KIF27: variants seen among roughly 807,000 people sequenced by gnomAD.
The protein encoded by KIF27 is kinesin-like protein KIF27.
In KIF27, 84 loss-of-function variants were observed where a neutral mutation model predicts 141.8. That is an observed-to-expected ratio of 0.59 (90% CI 0.50 to 0.71). The LOEUF is 0.71. Among genes scored for constraint, KIF27 ranks in the 30% least tolerant of loss-of-function variants. The pLI is 0.00. For synonymous variants in KIF27, 471 were observed against 569.5 expected, an observed-to-expected ratio of 0.83 and a Z score of 2.46; for missense variants, 1,306 against 1,628.4, an observed-to-expected ratio of 0.80 and a Z score of 3.41.
At chr9:83,850,830 CTTTTTTTTTTTT>C (rs202212264) in intron 15 of KIF27, among the ~76,000 whole-genome samples, 2 of 67,504 alleles carry the variant, frequency 3.0e-5, no homozygotes, top group African/African-American at 6.5e-5. Flanking sequence ...ATGACATTTT[CTTTTTTTTTTTT>C]TTTTTTTTTT....
intron 10 of KIF27, 70 bp downstream of exon 10, chr9:83,883,743 A>G (rs947898739): frequency 1.9e-6 from 2 of 1,040,040 alleles, no homozygotes; most frequent in African/African-American, 1.6e-5. Context: ...CTTCTTTCCT[A>G]ACTCAGTACA....
chr9:83,898,305 G>A (rs912991428), intron 5 of KIF27, among the ~76,000 whole-genome samples: 3 of 152,242 alleles, frequency 2.0e-5, no homozygotes, highest in African/African-American at 7.2e-5. Context: ...AAAATATTAT[G>A]ATTAAAAAGT....
chr9:83,862,897 G>C (rs578231897), intron 13 of KIF27, among the ~76,000 whole-genome samples: 1 of 151,990 alleles, frequency 6.6e-6, no homozygotes, highest in Non-Finnish European at 1.5e-5. Flanking sequence ...TCACATCCCT[G>C]GTAAGTTGGA....
intron 11 of KIF27, among the ~76,000 whole-genome samples, chr9:83,877,924 A>G (rs1435289847): frequency 1.3e-5 from 2 of 152,050 alleles, no homozygotes; most frequent in Non-Finnish European, 2.9e-5. Context: ...ATTAGTCATT[A>G]GGGAAATGCA....
In KIF27 at chr9:83,913,489, A is replaced by G. The variant is rs550281783; in HGVS notation, c.298+1805T>C. ...AGTTTGGTCTGTTGCCCAGGCTGGA[A>G]TGCAGTGGCACGATCTTGGCTCACT... On this transcript the variant is annotated intron_variant, in intron 2 of 17. Coordinates refer to ENST00000297814, the MANE Select transcript of KIF27 (RefSeq NM_017576.4). 2.6e-5 allele frequency among the ~76,000 whole-genome samples: 4 copies of G among 152,222 alleles called. No individual in the cohort carries two copies. The East Asian group carries it at 7.7e-4, about 29-fold the overall frequency.
chr9:83,880,441 T>G lies in KIF27; in HGVS notation c.2499A>C (p.Gln833His), dbSNP rs765116309. ...CTAGCTCATTAGCACGTTTCTCATT[T>G]TGGATTGACAGTGATGCCAGTTTCT... Reference protein sequence around the residue: ...DSKKLASLSIQNEKRANELEQ... With the variant: ...DSKKLASLSIHNEKRANELEQ... The change falls in exon 11 of 18, where the codon CAA becomes CAC. Residue 833 changes from glutamine (Q) to histidine (H), a missense_variant. Physicochemically the swap from Gln to His is conservative, Grantham distance 24. Coordinates refer to ENST00000297814, the MANE Select transcript of KIF27 (RefSeq NM_017576.4). 1 of 1,613,392 alleles carries G rather than the reference T, an allele frequency of 6.2e-7. No individual in the cohort carries two copies. Among genetic ancestry groups the G allele is most frequent in the Admixed American group, 1.7e-5 (1 of 60,016 alleles).
chr9:83,858,297 A>G (rs1448219444), intron 14 of KIF27: 1 of 152,166 alleles, frequency 6.6e-6, no homozygotes, highest in African/African-American at 2.4e-5. Flanking sequence ...CCTTGCTCCT[A>G]TTTCTTAACT....
intron 3 of KIF27, among the ~76,000 whole-genome samples, chr9:83,906,568 C>G (rs1468735113): frequency 1.3e-5 from 2 of 151,778 alleles, no homozygotes; most frequent in Non-Finnish European, 2.9e-5. Context: ...TGGTGAAACC[C>G]CGTCTCTACA....
At chr9:83,883,048 T>G (rs1182254432) in intron 10 of KIF27, among the ~76,000 whole-genome samples, 3 of 151,538 alleles carry the variant, frequency 2.0e-5, no homozygotes, top group East Asian at 1.9e-4. Flanking sequence ...CTATTTTGTT[T>G]AAAGCAAATA....
At position 83,914,656 on chromosome 9, in the gene KIF27, A is replaced by C. The variant is rs2780095; in HGVS notation, c.298+638T>G. Among the ~76,000 whole-genome samples, 4 of 152,154 alleles carry C rather than the reference A, an allele frequency of 2.6e-5. No homozygotes were observed. The East Asian group carries it at 7.7e-4, about 29-fold the overall frequency. ...CAATGATGCATATGTGCACTACTCA[A>C]AAGTTTGTTTTTAGTGGAAAAATAT... On this transcript the variant is annotated intron_variant, in intron 2 of 17. Transcript: ENST00000297814.
At chr9:83,846,266 C>T (rs553820602) in intron 16 of KIF27, among the ~76,000 whole-genome samples, 41 of 152,336 alleles carry the variant, frequency 2.7e-4, no homozygotes, top group Middle Eastern at 6.8e-3. Flanking sequence ...CTGGAATAGA[C>T]ACTTACTCCG....
intron 11 of KIF27, among the ~76,000 whole-genome samples, chr9:83,872,538 A>T (rs1217654599): frequency 6.6e-6 from 1 of 152,158 alleles, no homozygotes; most frequent in African/African-American, 2.4e-5. Context: ...ATGTCTGATG[A>T]CTCTAACAAT....
chr9:83,870,137 A>G (rs962638001), intron 12 of KIF27, among the ~76,000 whole-genome samples: 4 of 145,420 alleles, frequency 2.8e-5, no homozygotes, highest in African/African-American at 9.9e-5. Flanking sequence ...ACATCTATCT[A>G]TCTCTCTATC....
chr9:83,887,610 T>A (rs1470619112), intron 8 of KIF27, among the ~76,000 whole-genome samples: 1 of 152,142 alleles, frequency 6.6e-6, no homozygotes, highest in Non-Finnish European at 1.5e-5. Context: ...TAGCACTGTT[T>A]GTTACTGTCC....
intron 2 of KIF27, among the ~76,000 whole-genome samples, chr9:83,909,086 G>A (rs1233955122): frequency 6.6e-6 from 1 of 152,064 alleles, no homozygotes; most frequent in Admixed American, 6.6e-5. Flanking sequence ...AAACAAAACA[G>A]GGAGAAAAGA....
At position 83,837,269 on chromosome 9, in the gene KIF27, C is replaced by T; in HGVS notation, c.3938G>A (p.Ser1313Asn). The stretch of plus-strand genomic sequence containing the variant: ...ATTCTCATTACCTAACATATGCCCA[C>T]TGGGGGGTGCTAAAGAACTATGAAT... ...PPIHSSLAPP[S>N]GHMLGNENKT... Residue 1313 changes from serine to asparagine, a missense_variant, in exon 18 of 18, where the codon AGT becomes AAT. This residue lies in a region of KIF27 where 148 missense variants were observed against 250.9 expected (regional missense o/e 0.59). Transcript: ENST00000297814. 1 of 1,608,630 alleles carries T rather than the reference C, an allele frequency of 6.2e-7. No homozygotes were observed. The highest frequency in any genetic ancestry group is 1.7e-5 in the Admixed American group (1 of 59,518).
intron 15 of KIF27, among the ~76,000 whole-genome samples, chr9:83,850,739 G>A (rs1050896991): frequency 1.4e-5 from 2 of 147,520 alleles, no homozygotes; most frequent in Non-Finnish European, 3.0e-5. Context: ...AGCCAAGATC[G>A]CCCCATTGCA....
chr9:83,865,403 T>C (rs1224061904), intron 13 of KIF27, among the ~76,000 whole-genome samples: 2 of 152,064 alleles, frequency 1.3e-5, no homozygotes, highest in African/African-American at 2.4e-5. Flanking sequence ...GTTCAAGTGA[T>C]TGTCCTGCCT....
chr9:83,872,125 A>T (rs1950847262), intron 11 of KIF27, among the ~76,000 whole-genome samples: 1 of 150,352 alleles, frequency 6.7e-6, no homozygotes, highest in African/African-American at 2.4e-5. Flanking sequence ...GGAGTTCAAG[A>T]CCAGTCTGGC....
Sources: allele counts gnomAD v4.1 joint callset (sites outside exome capture counted in the v4.1 genomes callset), GRCh38; gene constraint gnomAD v4.1.1; regional missense constraint gnomAD v4.1.1; transcripts MANE v1.5; gene names NCBI Gene and HGNC (gene_info 2026-07-23, HGNC 2026-07-21).